EDA: variants seen among roughly 807,000 people sequenced by gnomAD.
EDA encodes ectodysplasin A.
In EDA, 2 loss-of-function variants were observed where a neutral mutation model predicts 23.6. That is an observed-to-expected ratio of 0.08 (90% confidence interval 0.03 to 0.27). EDA has a LOEUF of 0.27. Ranked by LOEUF, EDA falls within the 10% of genes least tolerant of loss-of-function variation. The pLI is 1.00. For missense variants in EDA, 229 were observed against 324.2 expected, an observed-to-expected ratio of 0.71 and a Z score of 2.26; for synonymous variants, 131 against 132.0, an observed-to-expected ratio of 0.99 and a Z score of 0.05.
At chrX:69,642,371 T>C (rs1932849695) in intron 1 of EDA, among the ~76,000 whole-genome samples, 1 of 111,493 alleles carries the variant, frequency 9.0e-6, no homozygotes, top group Non-Finnish European at 1.9e-5. Context: ...ATAAAAATAC[T>C]TGATAAGCTG....
At chrX:69,840,708 A>G (rs1346498837) in intron 1 of EDA, among the ~76,000 whole-genome samples, 2 of 112,124 alleles carry the variant, frequency 1.8e-5, no homozygotes, top group Admixed American at 9.5e-5. Flanking sequence ...AAGAACATAA[A>G]TTTATTTTCT....
At chrX:69,837,309 C>G (rs1020675288) in intron 1 of EDA, among the ~76,000 whole-genome samples, 5 of 111,829 alleles carry the variant, frequency 4.5e-5, no homozygotes, top group Non-Finnish European at 7.5e-5. Context: ...CATGGTGCTG[C>G]CTCACAACCA....
At chrX:69,879,827 A>G (rs2017716446) in intron 1 of EDA, among the ~76,000 whole-genome samples, 1 of 111,404 alleles carries the variant, frequency 9.0e-6, no homozygotes, top group Non-Finnish European at 1.9e-5. Flanking sequence ...ACATGGGTGC[A>G]GGTTCCTCCT....
At chrX:69,690,191 C>T (rs1189425613) in intron 1 of EDA, among the ~76,000 whole-genome samples, 1 of 111,009 alleles carries the variant, frequency 9.0e-6, no homozygotes, top group Non-Finnish European at 1.9e-5. Context: ...AGTAACAATG[C>T]GTTGAATAGA....
intron 5 of EDA, among the ~76,000 whole-genome samples, chrX:70,029,918 G>A (rs1361533609): frequency 8.9e-6 from 1 of 112,287 alleles, no homozygotes; most frequent in Non-Finnish European, 1.9e-5. Context: ...GAGCTGAAGA[G>A]TTGAAGAGTA....
intron 2 of EDA, among the ~76,000 whole-genome samples, chrX:69,972,098 C>T (rs2019255749): frequency 9.0e-6 from 1 of 111,532 alleles, no homozygotes; most frequent in African/African-American, 3.3e-5. Context: ...AGTAATGATA[C>T]TGTGCACAAA....
intron 1 of EDA, among the ~76,000 whole-genome samples, chrX:69,750,269 G>A (rs983117465): frequency 2.4e-4 from 24 of 101,307 alleles, no homozygotes; most frequent in African/African-American, 7.3e-4. Context: ...GAGAACATGC[G>A]GTGTTTGGTT....
At chrX:70,032,780 C>T (rs930815195) in intron 6 of EDA, among the ~76,000 whole-genome samples, 5 of 111,681 alleles carry the variant, frequency 4.5e-5, no homozygotes, top group Non-Finnish European at 7.5e-5. Context: ...CTATGGGGCC[C>T]TGGTACTAGT....
rs571581132 is a variant in EDA at position 69,746,475 on chromosome X, A to G, written c.396+129771A>G. On this transcript the variant is annotated intron_variant, in intron 1 of 7. Coordinates refer to ENST00000374552, the MANE Select transcript of EDA (RefSeq NM_001399.5). Reference sequence around the variant, plus strand: ...TTCTTGGAGACCTGGGTATGATTTTATTGAGGGCATATGTGGATTTCTTTA... The same window carrying G: ...TTCTTGGAGACCTGGGTATGATTTTGTTGAGGGCATATGTGGATTTCTTTA... Among the ~76,000 whole-genome samples the G allele has an allele frequency of 6.6e-3, 732 of 111,252 alleles. 2 individuals carry two copies. The highest frequency in any genetic ancestry group is 0.028 in the South Asian group (74 of 2,654).
At chrX:70,009,195 AT>A (rs2019841223) in intron 2 of EDA, among the ~76,000 whole-genome samples, 3 of 111,453 alleles carry the variant, frequency 2.7e-5, no homozygotes, top group Admixed American at 9.5e-5. Context: ...GAGTTTGTCA[AT>A]TTTTTTGATC....
chrX:69,712,421 A>C (rs1181664255), intron 1 of EDA, among the ~76,000 whole-genome samples: 3 of 111,848 alleles, frequency 2.7e-5, no homozygotes, highest in Non-Finnish European at 5.6e-5. Context: ...GACACTTCTC[A>C]AAAGAAGACA....
rs760373136 is a variant in EDA, at chrX:69,764,296, A to G, written c.396+147592A>G. Among the ~76,000 whole-genome samples, 7 of 88,477 alleles carry G rather than the reference A, an allele frequency of 7.9e-5. No individual in the cohort carries two copies. In the South Asian group the frequency reaches 4.4e-3, roughly 56 times the overall value. 76.8% of individuals were successfully genotyped at this position (88,477 alleles called of 115,157 possible). The stretch of plus-strand genomic sequence containing the variant: ...CTCACTCTGTTGCCCAGGCTAAAGT[A>G]TAGTGGTCCAATCTCAGCTCACTGC... On this transcript the variant is annotated intron_variant, in intron 1 of 7. Coordinates refer to ENST00000374552, the MANE Select transcript of EDA (RefSeq NM_001399.5).
intron 1 of EDA, among the ~76,000 whole-genome samples, chrX:69,788,933 C>G (rs2015302775): frequency 8.9e-6 from 1 of 112,426 alleles, no homozygotes; most frequent in Non-Finnish European, 1.9e-5. Context: ...GCTGTGCTAT[C>G]AATCAGCGAG....
intron 1 of EDA, among the ~76,000 whole-genome samples, chrX:69,890,900 TTAAAC>T (rs1755874750): frequency 9.0e-6 from 1 of 111,595 alleles, no homozygotes; most frequent in South Asian, 3.7e-4. Flanking sequence ...TGGGACCTAA[TTAAAC>T]TAAAGAGCTT....
chrX:69,679,630 G>C (rs891339847), intron 1 of EDA, among the ~76,000 whole-genome samples: 3 of 111,872 alleles, frequency 2.7e-5, no homozygotes, highest in African/African-American at 9.8e-5. Flanking sequence ...CGTATTCTCT[G>C]ATGGTAGTTT....
intron 2 of EDA, among the ~76,000 whole-genome samples, chrX:69,992,720 A>G (rs1365663453): frequency 9.0e-6 from 1 of 111,521 alleles, no homozygotes; most frequent in African/African-American, 3.3e-5. Flanking sequence ...AATATTGCCT[A>G]ATTGCTCTCC....
intron 1 of EDA, among the ~76,000 whole-genome samples, chrX:69,725,764 A>C (rs1250186395): frequency 5.3e-5 from 6 of 112,461 alleles, no homozygotes; most frequent in Non-Finnish European, 9.4e-5. Flanking sequence ...TGACGGACTA[A>C]CTGGTATCAG....
At chrX:70,024,257 C>A (rs904185587) in intron 3 of EDA, among the ~76,000 whole-genome samples, 3 of 112,343 alleles carry the variant, frequency 2.7e-5, no homozygotes, top group African/African-American at 9.7e-5. Context: ...CTGCAGTCTG[C>A]CACTTCTTTG....
intron 2 of EDA, among the ~76,000 whole-genome samples, chrX:69,998,792 CAT>C (rs1389532538): frequency 1.8e-5 from 2 of 111,632 alleles, no homozygotes; most frequent in African/African-American, 3.3e-5. Flanking sequence ...TAAGGGGAAA[CAT>C]GTGTTGCTTG....
Sources: allele counts gnomAD v4.1 joint callset (sites outside exome capture counted in the v4.1 genomes callset), GRCh38; gene constraint gnomAD v4.1.1; transcripts MANE v1.5; gene names NCBI Gene and HGNC (gene_info 2026-07-23, HGNC 2026-07-21).